The following STAG1 variants were observed in gnomAD, a reference collection of about 807,000 sequenced individuals.
The protein encoded by STAG1 is STAG1 cohesin complex component, also known as cohesin subunit SA-1.
Under a neutral mutation model 170.9 loss-of-function variants are expected in STAG1, and 26 were observed. That is an observed-to-expected ratio of 0.15 (90% CI 0.11 to 0.21). The LOEUF (loss-of-function observed/expected upper bound fraction) is 0.21. Ranked by LOEUF, STAG1 falls within the 10% of genes least tolerant of loss-of-function variation. STAG1 has a pLI of 1.00. For missense variants in STAG1, 964 were observed against 1,509.5 expected (o/e 0.64, Z 5.99); for synonymous variants, 514 against 497.7 (o/e 1.03, Z -0.44).
At chr3:136,477,254 T>A (rs2089776670) in intron 10 of STAG1, 35 bp downstream of exon 10, 2 of 1,566,130 alleles carry the variant, frequency 1.3e-6, no homozygotes, top group Non-Finnish European at 1.7e-6. Flanking sequence ...GAGACAAACA[T>A]AACTTCCATC....
At chr3:136,414,854 T>C (rs530333294) in intron 21 of STAG1, among the ~76,000 whole-genome samples, 1 of 152,250 alleles carries the variant, frequency 6.6e-6, no homozygotes, top group Admixed American at 6.5e-5. Flanking sequence ...AGGAACATTG[T>C]AGAGTTATTA....
chr3:136,462,225 A>G (rs1454116828), intron 13 of STAG1, among the ~76,000 whole-genome samples: 1 of 152,194 alleles, frequency 6.6e-6, no homozygotes, highest in Non-Finnish European at 1.5e-5. Context: ...TCAGCATATC[A>G]AAGAGATATC....
At chr3:136,373,404 T>A (rs1937454022) in intron 23 of STAG1, among the ~76,000 whole-genome samples, 1 of 152,202 alleles carries the variant, frequency 6.6e-6, no homozygotes, top group Admixed American at 6.5e-5. Context: ...TTGAATGTGC[T>A]TGCTCTTGTT....
At chr3:136,711,733 G>T (rs1475763314) in intron 1 of STAG1, among the ~76,000 whole-genome samples, 1 of 152,046 alleles carries the variant, frequency 6.6e-6, no homozygotes, top group African/African-American at 2.4e-5. Context: ...CAACACTCCA[G>T]AGTGATGGCA....
At position 136,422,544 on chromosome 3, in the gene STAG1, C is replaced by G. The variant is rs763074336; in HGVS notation, c.1903G>C (p.Ala635Pro). 2 of 1,613,880 alleles carry G rather than the reference C, an allele frequency of 1.2e-6. No homozygotes were observed. Among genetic ancestry groups the G allele is most frequent in the East Asian group, 4.5e-5 (2 of 44,854 alleles). ...AAGATACTATAGGTTTTACTGCAGG[C>G]TTCTAGAACATCTGATTCTACGTGT... ...EKHVESDVLE[A>P]CSKTYSILCS... Residue 635 changes from alanine (A) to proline (P), a missense_variant, in exon 19 of 34, where the codon GCC becomes CCC. By Grantham distance (27) the Ala-to-Pro change is conservative. This residue lies in a region of STAG1 where 232 missense variants were observed against 313.0 expected (regional missense o/e 0.74). Coordinates refer to ENST00000383202, the MANE Select transcript of STAG1 (RefSeq NM_005862.3).
intron 9 of STAG1, among the ~76,000 whole-genome samples, chr3:136,495,697 G>A (rs557053960): frequency 1.3e-5 from 2 of 152,110 alleles, no homozygotes; most frequent in African/African-American, 4.8e-5. Context: ...GGCCGGGCAC[G>A]GTGGCTCATA....
intron 1 of STAG1, among the ~76,000 whole-genome samples, chr3:136,641,505 A>G (rs540688683): frequency 3.9e-5 from 6 of 152,240 alleles, no homozygotes; most frequent in Non-Finnish European, 8.8e-5. Flanking sequence ...GGACACAACT[A>G]TATTTCTTTA....
rs1559788792 is a variant in STAG1 at position 136,417,992 on chromosome 3, A to G, written c.2109-20T>C. 6.4e-7 allele frequency: 1 copy of G among 1,556,436 alleles called. No individual in the cohort carries two copies. On this transcript the variant is annotated intron_variant, in intron 20 of 33. Coordinates refer to ENST00000383202, the MANE Select transcript of STAG1 (RefSeq NM_005862.3). ...TGTGCACTGAAATAAACAAAAATGCATCTGTTTTATTCTAGAATGGAAGGA... is the reference window on the plus strand; with the variant it reads ...TGTGCACTGAAATAAACAAAAATGCGTCTGTTTTATTCTAGAATGGAAGGA...
chr3:136,702,075 A>AAGAGAGAGAGAGAGAG (rs745623191), intron 1 of STAG1, among the ~76,000 whole-genome samples: 19 of 92,208 alleles, frequency 2.1e-4, no homozygotes, highest in East Asian at 6.4e-4. Flanking sequence ...ACCATGCCGA[A>AAGAGAGAGAGAGAGAG]AGAGAGAGAG....
At chr3:136,676,870 T>C (rs1433825800) in intron 1 of STAG1, among the ~76,000 whole-genome samples, 1 of 152,170 alleles carries the variant, frequency 6.6e-6, no homozygotes, top group Non-Finnish European at 1.5e-5. Flanking sequence ...AGTTTTTTCT[T>C]TTTTAAACTG....
At chr3:136,350,228 C>T (rs144231507) in intron 28 of STAG1, among the ~76,000 whole-genome samples, 54 of 152,258 alleles carry the variant, frequency 3.5e-4, no homozygotes, top group African/African-American at 1.3e-3. Flanking sequence ...TCCCTTGTTT[C>T]CTTCTCCCTG....
At chr3:136,555,834 C>CAAA (rs1360236319) in intron 5 of STAG1, among the ~76,000 whole-genome samples, 68 of 139,750 alleles carry the variant, frequency 4.9e-4, no homozygotes, top group Non-Finnish European at 3.3e-4. Context: ...GAAATAATTC[C>CAAA]AAAAAAAAAA....
At chr3:136,734,805 T>C (rs1209378090) in intron 1 of STAG1, among the ~76,000 whole-genome samples, 1 of 152,166 alleles carries the variant, frequency 6.6e-6, no homozygotes, top group African/African-American at 2.4e-5. Flanking sequence ...GCCACACATA[T>C]AATAAGTACT....
chr3:136,470,197 C>T (rs2089587979), intron 12 of STAG1, among the ~76,000 whole-genome samples: 1 of 152,140 alleles, frequency 6.6e-6, no homozygotes, highest in Non-Finnish European at 1.5e-5. Flanking sequence ...AGTGAACAGG[C>T]AACCTACAGA....
intron 4 of STAG1, among the ~76,000 whole-genome samples, chr3:136,573,235 G>A (rs1254887942): frequency 2.0e-5 from 3 of 151,776 alleles, no homozygotes; most frequent in Non-Finnish European, 2.9e-5. Flanking sequence ...AGTCATGTAT[G>A]AGCCTTTCTT....
intron 4 of STAG1, among the ~76,000 whole-genome samples, chr3:136,577,480 T>C (rs1183327423): frequency 6.6e-6 from 1 of 152,212 alleles, no homozygotes; most frequent in Non-Finnish European, 1.5e-5. Context: ...CAATTTTGAA[T>C]AGCTCTCCCC....
intron 6 of STAG1, among the ~76,000 whole-genome samples, chr3:136,527,658 A>G (rs573694318): frequency 1.2e-3 from 177 of 152,206 alleles, no homozygotes; most frequent in African/African-American, 2.5e-3. Context: ...GGGGAGAGGC[A>G]ATCTGATTTT....
intron 4 of STAG1, among the ~76,000 whole-genome samples, chr3:136,600,520 G>C (rs1319607689): frequency 6.6e-6 from 1 of 152,094 alleles, no homozygotes; most frequent in Non-Finnish European, 1.5e-5. Context: ...ATGTCGGCTT[G>C]TATTATCTTG....
chr3:136,363,115 C>T (rs1936938173), intron 26 of STAG1, among the ~76,000 whole-genome samples: 1 of 152,038 alleles, frequency 6.6e-6, no homozygotes, highest in Non-Finnish European at 1.5e-5. Context: ...TCCAGTTTGA[C>T]ATTTCATCTA....
Sources: gnomAD v4.1 joint callset for allele counts (sites outside exome capture counted in the v4.1 genomes callset) on GRCh38, gnomAD v4.1.1 for gene constraint, gnomAD v4.1.1 regional missense constraint, MANE v1.5 for transcripts, NCBI Gene and HGNC (gene_info 2026-07-23, HGNC 2026-07-21) for gene names.